MALRD1: variants seen among roughly 807,000 people sequenced by gnomAD.
MALRD1 encodes the protein MAM and LDL-receptor class A domain-containing protein 1.
In MALRD1, 247 loss-of-function variants were observed where a neutral mutation model predicts 242.1. That is an observed-to-expected ratio of 1.02 (90% CI 0.92 to 1.13). The LOEUF (loss-of-function observed/expected upper bound fraction) is 1.13. Ranked by LOEUF, MALRD1 falls within the 50% of genes most tolerant of loss-of-function variation. The pLI is 0.00. For synonymous variants in MALRD1, 995 were observed against 866.6 expected (o/e 1.15, Z -2.60); for missense variants, 2,989 against 2,533.1 (o/e 1.18, Z -3.86).
chr10:19,251,801 G>A (rs914752065), intron 18 of MALRD1, among the ~76,000 whole-genome samples: 2 of 151,958 alleles, frequency 1.3e-5, no homozygotes, highest in African/African-American at 4.8e-5. Context: ...TTGGGGGCAG[G>A]ACTGGTGAAA....
intron 5 of MALRD1, among the ~76,000 whole-genome samples, chr10:19,107,744 G>A (rs1047988732): frequency 3.5e-5 from 5 of 144,388 alleles, no homozygotes; most frequent in African/African-American, 1.3e-4. Flanking sequence ...TGGTTTGGTG[G>A]TTTTCTATAG....
chr10:19,491,770 A>G, intron 30 of MALRD1, 125 bp downstream of exon 30: 1 of 1,030,758 alleles, frequency 9.7e-7, no homozygotes, highest in Non-Finnish European at 1.4e-6. Flanking sequence ...TAGATTTAGA[A>G]TAGCCCAAAT....
At chr10:19,233,100 A>G (rs1053951221) in intron 18 of MALRD1, among the ~76,000 whole-genome samples, 1 of 152,130 alleles carries the variant, frequency 6.6e-6, no homozygotes, top group Non-Finnish European at 1.5e-5. Context: ...GGAGGTGTAT[A>G]TATTTGTGGG....
intron 28 of MALRD1, among the ~76,000 whole-genome samples, chr10:19,420,267 G>A (rs758267582): frequency 6.6e-6 from 1 of 151,936 alleles, no homozygotes; most frequent in Non-Finnish European, 1.5e-5. Flanking sequence ...GACAGAGCAG[G>A]TAATCGGAAT....
At position 19,586,441 on chromosome 10, in the gene MALRD1, A is replaced by G. The variant is rs556595728; in HGVS notation, c.5681-8753A>G. On this transcript the variant is annotated intron_variant, in intron 33 of 39. Transcript: ENST00000454679. Reference sequence around the variant, plus strand: ...CTTTCTGTTTGTTAGTTTTCCTTCTAACGGACAGGACCCTCAGCTGCAGGT... The same window carrying G: ...CTTTCTGTTTGTTAGTTTTCCTTCTGACGGACAGGACCCTCAGCTGCAGGT... Among the ~76,000 whole-genome samples the G allele has an allele frequency of 3.0e-4, 46 of 152,182 alleles. 1 individual carries two copies. The East Asian group carries it at 6.8e-3, about 22-fold the overall frequency.
chr10:19,323,490 G>A (rs1234727705), intron 21 of MALRD1, among the ~76,000 whole-genome samples: 1 of 152,146 alleles, frequency 6.6e-6, no homozygotes, highest in African/African-American at 2.4e-5. Flanking sequence ...CAAAGTGGCA[G>A]AAGTATTATT....
intron 35 of MALRD1, 59 bp downstream of exon 35, chr10:19,607,961 C>T (rs1838718331): frequency 2.6e-6 from 4 of 1,520,510 alleles, no homozygotes; most frequent in Admixed American, 4.1e-5. Context: ...ACCTGCAACA[C>T]AATGAAAATA....
intron 34 of MALRD1, among the ~76,000 whole-genome samples, chr10:19,601,655 A>C (rs959705040): frequency 1.1e-4 from 17 of 152,098 alleles, no homozygotes; most frequent in African/African-American, 4.1e-4. Flanking sequence ...AATGTGTTTT[A>C]ACTGTATTTG....
At chr10:19,365,678 A>C (rs1290594640) in intron 26 of MALRD1, among the ~76,000 whole-genome samples, 5 of 77,800 alleles carry the variant, frequency 6.4e-5, no homozygotes, top group East Asian at 3.4e-4. Flanking sequence ...AAAAAAAAAA[A>C]AAAAAAAAAA....
chr10:19,419,262 C>G (rs1242233084), intron 28 of MALRD1, among the ~76,000 whole-genome samples: 2 of 151,806 alleles, frequency 1.3e-5, no homozygotes, highest in Non-Finnish European at 2.9e-5. Context: ...CCTCCTTCTT[C>G]TTCATCTTCT....
chr10:19,097,983 T>C (rs1836106217), intron 4 of MALRD1, among the ~76,000 whole-genome samples: 1 of 152,194 alleles, frequency 6.6e-6, no homozygotes, highest in Non-Finnish European at 1.5e-5. Context: ...CACCCTGCTC[T>C]GTCTATTGAG....
At chr10:19,100,517 G>A (rs1470717785) in intron 4 of MALRD1, among the ~76,000 whole-genome samples, 1 of 152,130 alleles carries the variant, frequency 6.6e-6, no homozygotes, top group East Asian at 1.9e-4. Context: ...TTATCTCATT[G>A]GAAATGAGAA....
chr10:19,497,311 A>G (rs946412459), intron 30 of MALRD1, among the ~76,000 whole-genome samples: 1 of 143,792 alleles, frequency 7.0e-6, no homozygotes, highest in African/African-American at 2.8e-5. Context: ...TCTATATTAT[A>G]TAACACTGGC....
At chr10:19,312,429 A>T (rs568588392) in intron 21 of MALRD1, among the ~76,000 whole-genome samples, 2,172 of 140,714 alleles carry the variant, frequency 0.015, 14 homozygotes, top group South Asian at 0.032. Context: ...TGTGTGTGTG[A>T]GAGAGAGAGA....
chr10:19,206,871 C>T (rs1836810478), intron 17 of MALRD1, among the ~76,000 whole-genome samples: 1 of 152,198 alleles, frequency 6.6e-6, no homozygotes, highest in Non-Finnish European at 1.5e-5. Context: ...ACTTGCCATT[C>T]ACCTTCTGCC....
intron 19 of MALRD1, among the ~76,000 whole-genome samples, chr10:19,274,147 A>G (rs952594628): frequency 6.6e-6 from 1 of 152,234 alleles, no homozygotes; most frequent in African/African-American, 2.4e-5. Flanking sequence ...AAATAATTCA[A>G]GCAGAATCTT....
intron 4 of MALRD1, among the ~76,000 whole-genome samples, chr10:19,095,486 A>G (rs1473115628): frequency 2.6e-5 from 4 of 152,206 alleles, no homozygotes; most frequent in African/African-American, 9.6e-5. Flanking sequence ...TTAGAAAATC[A>G]TCTTAAGCCA....
At chr10:19,378,278 A>T (rs1347823124) in intron 26 of MALRD1, among the ~76,000 whole-genome samples, 1 of 152,130 alleles carries the variant, frequency 6.6e-6, no homozygotes, top group East Asian at 1.9e-4. Flanking sequence ...TAAATTCTCC[A>T]CTGTAATTTA....
intron 1 of MALRD1, among the ~76,000 whole-genome samples, chr10:19,053,510 G>T (rs952660612): frequency 1.3e-5 from 2 of 152,242 alleles, no homozygotes; most frequent in East Asian, 1.9e-4. Context: ...AAATTGCTTC[G>T]TCTTTCCACT....
Sources: gnomAD v4.1 joint callset for allele counts (sites outside exome capture counted in the v4.1 genomes callset) on GRCh38, gnomAD v4.1.1 for gene constraint, MANE v1.5 for transcripts, NCBI Gene and HGNC (gene_info 2026-07-23, HGNC 2026-07-21) for gene names.